Variants in SIPA1L3 observed in about 807,000 individuals in gnomAD.
SIPA1L3 encodes signal-induced proliferation-associated 1-like protein 3.
A neutral mutation model predicts 150.1 loss-of-function variants in SIPA1L3; 59 were observed. That is an observed-to-expected ratio of 0.39 (90% CI 0.32 to 0.49). SIPA1L3 has a LOEUF of 0.49. Among genes scored for constraint, SIPA1L3 ranks in the 20% least tolerant of loss-of-function variants. The pLI is 0.86. For missense variants in SIPA1L3, 2,211 were observed against 2,489.5 expected (o/e 0.89, Z 2.38); for synonymous variants, 1,070 against 1,077.6 (o/e 0.99, Z 0.14).
chr19:38,049,274 G>T (rs1969131971), intron 2 of SIPA1L3, among the ~76,000 whole-genome samples: 1 of 152,144 alleles, frequency 6.6e-6, no homozygotes, highest in Admixed American at 6.5e-5. Flanking sequence ...TGTGTCTGTA[G>T]CTGTGCACAC....
At chr19:38,118,481 C>T (rs914885926) in intron 8 of SIPA1L3, among the ~76,000 whole-genome samples, 2 of 152,112 alleles carry the variant, frequency 1.3e-5, no homozygotes, top group Non-Finnish European at 2.9e-5. Flanking sequence ...TGGAGGATTA[C>T]CCTTTGATGT....
intron 1 of SIPA1L3, among the ~76,000 whole-genome samples, chr19:37,982,781 A>AG (rs2145617906): frequency 6.6e-6 from 1 of 152,172 alleles, no homozygotes; most frequent in South Asian, 2.1e-4. Context: ...GTGGCTGTGG[A>AG]GGGAGAGAGG....
At chr19:38,036,830 C>G (rs1226701625) in intron 2 of SIPA1L3, among the ~76,000 whole-genome samples, 3 of 152,172 alleles carry the variant, frequency 2.0e-5, no homozygotes, top group East Asian at 3.9e-4. Flanking sequence ...CCACTCGCCC[C>G]ATCCCGGCCT....
At chr19:37,944,652 T>C (rs1266530016) in intron 1 of SIPA1L3, among the ~76,000 whole-genome samples, 2 of 152,324 alleles carry the variant, frequency 1.3e-5, no homozygotes, top group East Asian at 3.9e-4. Flanking sequence ...GCACCTGTTA[T>C]ACGCTGAAAT....
At chr19:38,180,131 A>C (rs1278833816) in intron 15 of SIPA1L3, among the ~76,000 whole-genome samples, 1 of 152,044 alleles carries the variant, frequency 6.6e-6, no homozygotes, top group South Asian at 2.1e-4. Flanking sequence ...TTTTAAAATT[A>C]TTTTGTATCA....
At position 38,130,581 on chromosome 19, in the gene SIPA1L3, C is replaced by T. The variant is rs1305092240; in HGVS notation, c.2952C>T (p.Asp984=). 24 of 1,613,674 alleles carry T rather than the reference C, an allele frequency of 1.5e-5. No homozygotes were observed. Among genetic ancestry groups the T allele is most frequent in the African/African-American group, 9.3e-5 (7 of 74,944 alleles). ...AGCTGGGCTTCCACGTGAAGTACGA[C>T]GGCACGGTGGCCGAGGTTGAGGACT... ...LGQLGFHVKY[D]GTVAEVEDYG... is the part of the protein sequence containing the mutation. Residue 984 remains aspartate (D), a synonymous_variant, in exon 10 of 22, where the codon GAC becomes GAT. Coordinates refer to ENST00000222345, the MANE Select transcript of SIPA1L3 (RefSeq NM_015073.3).
Position 38,164,477 on chromosome 19 carries a change from A to T in SIPA1L3, c.3781-2A>T. ...GAATGACACGCTTCTCTTGCCTCTCAGGGAGAACCTCAATACTCAAGTCAT... is the reference window on the plus strand; with the variant it reads ...GAATGACACGCTTCTCTTGCCTCTCTGGGAGAACCTCAATACTCAAGTCAT... On this transcript the variant is annotated splice_acceptor_variant, in intron 14 of 21. Coordinates refer to ENST00000222345, the MANE Select transcript of SIPA1L3 (RefSeq NM_015073.3). LOFTEE classifies it high-confidence loss of function. This position sits in a 1 kb window ranked among gnomAD's most constrained non-coding sequence, Gnocchi z 4.1. 6.3e-7 allele frequency: 1 copy of T among 1,597,202 alleles called. No homozygotes were observed. The highest frequency in any genetic ancestry group is 8.6e-7 in the Non-Finnish European group (1 of 1,167,210).
intron 13 of SIPA1L3, 51 bp from the exon 14 acceptor site, chr19:38,162,202 C>T (rs765706664): frequency 3.4e-6 from 5 of 1,452,582 alleles, no homozygotes; most frequent in Non-Finnish European, 4.8e-6. Context: ...ATTCTTCAGG[C>T]CCTGGCCTGA....
intron 1 of SIPA1L3, among the ~76,000 whole-genome samples, chr19:37,958,830 C>A (rs75753143): frequency 6.6e-6 from 1 of 152,182 alleles, no homozygotes; most frequent in African/African-American, 2.4e-5. Context: ...AGAACTCTCA[C>A]AACTTGACAA....
At chr19:38,064,912 C>G (rs942115692) in intron 2 of SIPA1L3, among the ~76,000 whole-genome samples, 8 of 152,146 alleles carry the variant, frequency 5.3e-5, no homozygotes, top group African/African-American at 9.7e-5. Flanking sequence ...GGAATTGAAC[C>G]AAGATAGACT....
In SIPA1L3 at chr19:38,206,505, C is replaced by G; in HGVS notation, c.*265C>G. ...CCCGGTGAGCTGGGCTGTGCTTACA[C>G]CGCTCCCGGGCCTGCCCCGCTGTCC... On this transcript the variant is annotated 3_prime_UTR_variant, in exon 22 of 22. Transcript: ENST00000222345. 5.0e-6 allele frequency: 2 copies of G among 396,716 alleles called. No homozygotes were observed. The highest frequency in any genetic ancestry group is 4.6e-5 in the East Asian group (1 of 21,664). 24.6% of individuals were successfully genotyped at this position (396,716 alleles called of 1,614,324 possible).
chr19:38,041,381 C>T (rs1308820973), intron 2 of SIPA1L3, among the ~76,000 whole-genome samples: 2 of 147,906 alleles, frequency 1.4e-5, no homozygotes, highest in African/African-American at 2.5e-5. Context: ...CGGGTTCAAG[C>T]GATTCTCCTG....
chr19:37,967,245 T>C (rs1202789554), intron 1 of SIPA1L3, among the ~76,000 whole-genome samples: 1 of 151,140 alleles, frequency 6.6e-6, no homozygotes, highest in East Asian at 1.9e-4. Context: ...CATGTGGAAG[T>C]TCCCCCCCAC....
intron 1 of SIPA1L3, among the ~76,000 whole-genome samples, chr19:37,983,760 G>T (rs971018862): frequency 6.6e-5 from 10 of 151,964 alleles, no homozygotes; most frequent in Non-Finnish European, 1.2e-4. Context: ...ACAAAAATTA[G>T]CTGGGCGTGG....
At chr19:38,180,524 CTTTTTTTCTTTTCT>C (rs1477194242) in intron 15 of SIPA1L3, among the ~76,000 whole-genome samples, 1 of 129,086 alleles carries the variant, frequency 7.7e-6, no homozygotes, top group Non-Finnish European at 1.6e-5. Flanking sequence ...TAGCATTTTT[CTTTTTTTCTTTTCT>C]TTTTTTTTTT....
At chr19:37,975,410 C>G (rs745702995) in intron 1 of SIPA1L3, among the ~76,000 whole-genome samples, 5 of 152,098 alleles carry the variant, frequency 3.3e-5, no homozygotes, top group Non-Finnish European at 7.4e-5. Flanking sequence ...CACATCACCC[C>G]AGTCCTCACT....
intron 1 of SIPA1L3, among the ~76,000 whole-genome samples, chr19:37,997,568 T>A (rs868325642): frequency 3.2e-4 from 27 of 83,868 alleles, no homozygotes; most frequent in Admixed American, 3.2e-4. Flanking sequence ...ACTGTCTCAT[T>A]AAAAAAAAAA....
At chr19:37,912,507 T>C (rs926859831) in intron 1 of SIPA1L3, among the ~76,000 whole-genome samples, 1 of 151,958 alleles carries the variant, frequency 6.6e-6, no homozygotes, top group African/African-American at 2.4e-5. Context: ...AGCTGTGATC[T>C]TTTTTTTAGA....
intron 1 of SIPA1L3, among the ~76,000 whole-genome samples, chr19:37,909,684 G>A (rs3786869): frequency 0.38 from 57,674 of 151,984 alleles, 13,775 homozygotes; most frequent in East Asian, 0.7. Context: ...GGTAAAGATC[G>A]GCTGAGTTGT....
Sources: allele counts gnomAD v4.1 joint callset (sites outside exome capture counted in the v4.1 genomes callset), GRCh38; gene constraint gnomAD v4.1.1; non-coding constraint Gnocchi (gnomAD v3.1); transcripts MANE v1.5; gene names NCBI Gene and HGNC (gene_info 2026-07-23, HGNC 2026-07-21).